The following GNB5 variants were observed in gnomAD, a reference collection of about 807,000 sequenced individuals.
The protein encoded by GNB5 is guanine nucleotide-binding protein subunit beta-5.
Under a neutral mutation model 55.3 loss-of-function variants are expected in GNB5, and 37 were observed. The observed-to-expected ratio is 0.67, with a 90% CI of 0.51 to 0.88. The LOEUF (loss-of-function observed/expected upper bound fraction) is 0.88. Among genes scored for constraint, GNB5 ranks in the 40% least tolerant of loss-of-function variants. The pLI is 0.00. For missense variants in GNB5, 476 were observed against 515.3 expected, an observed-to-expected ratio of 0.92 and a Z score of 0.74; for synonymous variants, 219 against 198.5, an observed-to-expected ratio of 1.10 and a Z score of -0.87.
At chr15:52,139,245 C>T (rs913402393) in intron 7 of GNB5, among the ~76,000 whole-genome samples, 1 of 152,146 alleles carries the variant, frequency 6.6e-6, no homozygotes, top group Non-Finnish European at 1.5e-5. Context: ...AGTTCAAGAT[C>T]AGCCAGGGCA....
intron 2 of GNB5, chr15:52,180,290 A>G (rs2034746554): frequency 6.5e-6 from 1 of 154,450 alleles, no homozygotes. Context: ...CCCATCCCCA[A>G]GCCTCTCGTG....
chr15:52,137,560 G>A, intron 7 of GNB5: 2 of 1,038,950 alleles, frequency 1.9e-6, no homozygotes, highest in Non-Finnish European at 2.3e-6. Flanking sequence ...AAGAGCCTCT[G>A]GATAGCTTAC....
At chr15:52,188,767 T>G (rs2034879718) in intron 1 of GNB5, among the ~76,000 whole-genome samples, 1 of 152,170 alleles carries the variant, frequency 6.6e-6, no homozygotes, top group Non-Finnish European at 1.5e-5. Flanking sequence ...ATATGTGACT[T>G]AAAAAATTAC....
At chr15:52,176,048 CA>C (rs891708764) in intron 3 of GNB5, among the ~76,000 whole-genome samples, 1 of 147,710 alleles carries the variant, frequency 6.8e-6, no homozygotes, top group African/African-American at 2.5e-5. Context: ...GACTCCATCT[CA>C]AAAAAAAACA....
chr15:52,132,693 G>A (rs559904257), intron 9 of GNB5, among the ~76,000 whole-genome samples: 3 of 144,936 alleles, frequency 2.1e-5, no homozygotes, highest in South Asian at 2.2e-4. Flanking sequence ...GCCTTGTCTC[G>A]AACTCCTGGG....
At chr15:52,174,942 C>A (rs753046190) in intron 3 of GNB5, among the ~76,000 whole-genome samples, 1 of 151,980 alleles carries the variant, frequency 6.6e-6, no homozygotes, top group Non-Finnish European at 1.5e-5. Context: ...ATTAGCTGGG[C>A]GAGATGGTGT....
At chr15:52,176,899 T>C (rs1165115363) in intron 3 of GNB5, among the ~76,000 whole-genome samples, 2 of 151,984 alleles carry the variant, frequency 1.3e-5, no homozygotes, top group African/African-American at 4.8e-5. Flanking sequence ...CTGCATGAGC[T>C]CCCAGCATAA....
chr15:52,164,172 A>G (rs1420782363), intron 3 of GNB5, among the ~76,000 whole-genome samples: 1 of 151,998 alleles, frequency 6.6e-6, no homozygotes, highest in South Asian at 2.1e-4. Flanking sequence ...GCTGGGTGTG[A>G]TGGCGGGCGC....
intron 3 of GNB5, among the ~76,000 whole-genome samples, chr15:52,177,637 G>A (rs2034677120): frequency 6.7e-6 from 1 of 149,928 alleles, no homozygotes; most frequent in South Asian, 2.1e-4. Flanking sequence ...GGTGACAGAG[G>A]GAGACTCCGT....
intron 2 of GNB5, 76 bp from the exon 3 acceptor site, chr15:52,179,955 G>T (rs2034737462): frequency 7.1e-7 from 1 of 1,416,890 alleles, no homozygotes. Flanking sequence ...CGCTCCAGCA[G>T]CCGTCCCCGG....
At chr15:52,162,201 G>A (rs571909340) in intron 3 of GNB5, among the ~76,000 whole-genome samples, 1 of 152,300 alleles carries the variant, frequency 6.6e-6, no homozygotes, top group East Asian at 1.9e-4. Flanking sequence ...ACCCTGCTCT[G>A]TAAAATGAGG....
At chr15:52,156,937 C>CT (rs996188157) in intron 3 of GNB5, among the ~76,000 whole-genome samples, 4,310 of 137,940 alleles carry the variant, frequency 0.031, 130 homozygotes, top group African/African-American at 0.072. Flanking sequence ...TTTCCAAATT[C>CT]TTTTTTTTTT....
At chr15:52,173,726 A>G (rs1390444096) in intron 3 of GNB5, among the ~76,000 whole-genome samples, 2 of 152,212 alleles carry the variant, frequency 1.3e-5, no homozygotes. Flanking sequence ...TCTACTCCCT[A>G]TTCAACATTA....
At chr15:52,143,752 T>A (rs1192172838) in intron 6 of GNB5, 1 of 152,208 alleles carries the variant, frequency 6.6e-6, no homozygotes, top group African/African-American at 2.4e-5. Flanking sequence ...GTCACAGGGA[T>A]GTCACACAGT....
intron 12 of GNB5, among the ~76,000 whole-genome samples, chr15:52,123,325 C>T (rs894950754): frequency 2.0e-5 from 3 of 151,838 alleles, no homozygotes; most frequent in African/African-American, 7.3e-5. Context: ...TCGAAACCCT[C>T]CCCCACCCCT....
At chr15:52,168,028 C>G (rs1458384686) in intron 3 of GNB5, among the ~76,000 whole-genome samples, 1 of 152,170 alleles carries the variant, frequency 6.6e-6, no homozygotes, top group African/African-American at 2.4e-5. Flanking sequence ...CCATATATGA[C>G]AAACCTACAC....
chr15:52,126,524 C>A (rs555802468), intron 10 of GNB5, among the ~76,000 whole-genome samples: 1 of 152,110 alleles, frequency 6.6e-6, no homozygotes. Flanking sequence ...TTAGGTTATA[C>A]GTCCTTTCTC....
At chr15:52,183,343 G>GGGGGC (rs2034800568) in intron 2 of GNB5, among the ~76,000 whole-genome samples, 2 of 150,798 alleles carry the variant, frequency 1.3e-5, no homozygotes, top group African/African-American at 4.9e-5. Context: ...TGGGGGGGGG[G>GGGGGC]TAAGGCCCCC....
intron 9 of GNB5, among the ~76,000 whole-genome samples, chr15:52,130,619 T>G (rs759826180): frequency 6.6e-6 from 1 of 152,252 alleles, no homozygotes; most frequent in Non-Finnish European, 1.5e-5. Flanking sequence ...TCTCTGTCTC[T>G]CTCTCTGACT....
Sources: allele counts gnomAD v4.1 joint callset (sites outside exome capture counted in the v4.1 genomes callset), GRCh38; gene constraint gnomAD v4.1.1; transcripts MANE v1.5; gene names NCBI Gene and HGNC (gene_info 2026-07-23, HGNC 2026-07-21).